ADAMTS19: variants seen among roughly 807,000 people sequenced by gnomAD.
The protein encoded by ADAMTS19 is ADAM metallopeptidase with thrombospondin type 1 motif 19, also known as A disintegrin and metalloproteinase with thrombospondin motifs 19.
ADAMTS19 carries 93 observed loss-of-function variants against 153.3 expected under a neutral mutation model. The ratio of observed to expected loss-of-function variants is 0.61; its 90% CI spans 0.51 to 0.72. ADAMTS19 has a LOEUF of 0.72. Ranked by LOEUF, ADAMTS19 falls within the 30% of genes least tolerant of loss-of-function variation. ADAMTS19 has a pLI of 0.00. For synonymous variants in ADAMTS19, 600 were observed against 556.6 expected (o/e 1.08, Z -1.10); for missense variants, 1,482 against 1,552.1 (o/e 0.95, Z 0.76).
At chr5:129,553,500 A>G (rs1319863534) in intron 7 of ADAMTS19, among the ~76,000 whole-genome samples, 1 of 152,140 alleles carries the variant, frequency 6.6e-6, no homozygotes, top group African/African-American at 2.4e-5. Flanking sequence ...CAGGAAAGCA[A>G]TTTATTGAAT....
At chr5:129,567,950 C>T (rs1049303626) in intron 7 of ADAMTS19, among the ~76,000 whole-genome samples, 1 of 152,032 alleles carries the variant, frequency 6.6e-6, no homozygotes, top group Non-Finnish European at 1.5e-5. Context: ...AACAGTGATT[C>T]CAATGACAGC....
intron 10 of ADAMTS19, among the ~76,000 whole-genome samples, chr5:129,635,828 T>A (rs1183599831): frequency 6.6e-6 from 1 of 152,136 alleles, no homozygotes; most frequent in Non-Finnish European, 1.5e-5. Flanking sequence ...CTATACATCA[T>A]ACCCCCATGA....
intron 20 of ADAMTS19, among the ~76,000 whole-genome samples, chr5:129,702,001 T>C (rs1755885734): frequency 6.6e-6 from 1 of 152,210 alleles, no homozygotes; most frequent in Admixed American, 6.5e-5. Flanking sequence ...GTTTAGTATA[T>C]TGTTTATATT....
chr5:129,569,157 AAAAAC>A (rs1581095696), intron 7 of ADAMTS19, among the ~76,000 whole-genome samples: 2 of 152,116 alleles, frequency 1.3e-5, no homozygotes, highest in African/African-American at 4.8e-5. Flanking sequence ...AGTAAAAAAC[AAAAAC>A]AAAACAAAAA....
At chr5:129,645,171 G>T (rs977565263) in intron 11 of ADAMTS19, among the ~76,000 whole-genome samples, 1 of 152,058 alleles carries the variant, frequency 6.6e-6, no homozygotes, top group East Asian at 1.9e-4. Flanking sequence ...TAATCCCTTA[G>T]TACTTTTATA....
At chr5:129,723,565 A>G (rs1280556159) in intron 21 of ADAMTS19, among the ~76,000 whole-genome samples, 2 of 152,208 alleles carry the variant, frequency 1.3e-5, no homozygotes, top group African/African-American at 2.4e-5. Context: ...GAATTATTCT[A>G]TCATGTTTAG....
chr5:129,585,221 C>G (rs888975462), intron 7 of ADAMTS19, among the ~76,000 whole-genome samples: 2 of 151,548 alleles, frequency 1.3e-5, no homozygotes, highest in African/African-American at 4.8e-5. Flanking sequence ...CCTCCGTGGG[C>G]TGCACCCACT....
chr5:129,618,640 C>T (rs1751638686), intron 8 of ADAMTS19, among the ~76,000 whole-genome samples: 1 of 151,418 alleles, frequency 6.6e-6, no homozygotes, highest in Admixed American at 6.6e-5. Flanking sequence ...TTGTAATTTC[C>T]CTTAGCAATT....
intron 16 of ADAMTS19, among the ~76,000 whole-genome samples, chr5:129,665,969 A>G (rs889152427): frequency 7.4e-5 from 11 of 148,762 alleles, no homozygotes; most frequent in African/African-American, 2.7e-4. Flanking sequence ...GCATTTATAA[A>G]TGAATTTATG....
chr5:129,592,326 C>T (rs1353651532), intron 7 of ADAMTS19, among the ~76,000 whole-genome samples: 1 of 148,826 alleles, frequency 6.7e-6, no homozygotes, highest in Non-Finnish European at 1.5e-5. Context: ...TTGCAGTGAG[C>T]CGAGATCATG....
intron 8 of ADAMTS19, among the ~76,000 whole-genome samples, chr5:129,602,416 A>G (rs903464291): frequency 2.6e-5 from 4 of 152,174 alleles, no homozygotes; most frequent in African/African-American, 7.2e-5. Context: ...TCAAAATCCC[A>G]TATTTTATAT....
chr5:129,484,769 T>C (rs1199509929), intron 2 of ADAMTS19, among the ~76,000 whole-genome samples: 1 of 152,136 alleles, frequency 6.6e-6, no homozygotes, highest in African/African-American at 2.4e-5. Context: ...GGGTCATAGC[T>C]ATCAGTAAGA....
At chr5:129,707,215 A>T (rs1199028427) in intron 21 of ADAMTS19, among the ~76,000 whole-genome samples, 1 of 152,192 alleles carries the variant, frequency 6.6e-6, no homozygotes, top group East Asian at 1.9e-4. Context: ...GACTTTGATT[A>T]TACTTGGGCT....
chr5:129,719,125 G>A (rs1756861125), intron 21 of ADAMTS19, among the ~76,000 whole-genome samples: 1 of 151,992 alleles, frequency 6.6e-6, no homozygotes, highest in Non-Finnish European at 1.5e-5. Flanking sequence ...TGTTAGTTGA[G>A]TTTTTTAATC....
At chr5:129,631,335 TGTCA>T (rs568027937) in intron 10 of ADAMTS19, among the ~76,000 whole-genome samples, 75 of 151,976 alleles carry the variant, frequency 4.9e-4, no homozygotes, top group African/African-American at 1.7e-3. Flanking sequence ...TTTCCACAGT[TGTCA>T]GTGTTTCATA....
intron 6 of ADAMTS19, among the ~76,000 whole-genome samples, chr5:129,539,986 T>G (rs1257622562): frequency 6.6e-6 from 1 of 152,076 alleles, no homozygotes; most frequent in Non-Finnish European, 1.5e-5. Context: ...AATGAGTGCT[T>G]CATGTAGTTA....
intron 7 of ADAMTS19, among the ~76,000 whole-genome samples, chr5:129,555,517 T>C (rs1045512903): frequency 6.6e-6 from 1 of 152,174 alleles, no homozygotes; most frequent in Non-Finnish European, 1.5e-5. Context: ...ATGCTACTTA[T>C]TGACTATGTG....
At chr5:129,714,425 C>CAAAA (rs397949658) in intron 21 of ADAMTS19, among the ~76,000 whole-genome samples, 1,231 of 98,116 alleles carry the variant, frequency 0.013, 48 homozygotes, top group African/African-American at 0.05. Flanking sequence ...GACTCCGTCT[C>CAAAA]AAAAAAAAAA....
chr5:129,595,498 G>GA (rs1750330761), intron 7 of ADAMTS19, among the ~76,000 whole-genome samples: 1 of 151,944 alleles, frequency 6.6e-6, no homozygotes, highest in African/African-American at 2.4e-5. Context: ...TCTGGAGACA[G>GA]AAAAAAGTCA....
Sources: gnomAD v4.1 joint callset for allele counts (sites outside exome capture counted in the v4.1 genomes callset) on GRCh38, gnomAD v4.1.1 for gene constraint, MANE v1.5 for transcripts, NCBI Gene and HGNC (gene_info 2026-07-23, HGNC 2026-07-21) for gene names.